PLEKHM3: variants seen among roughly 807,000 people sequenced by gnomAD.
The protein encoded by PLEKHM3 is pleckstrin homology domain containing M3, also known as pleckstrin homology domain-containing family M member 3.
A neutral mutation model predicts 81.8 loss-of-function variants in PLEKHM3; 45 were observed. The observed-to-expected ratio is 0.55, with a 90% CI of 0.43 to 0.71. PLEKHM3 has a LOEUF of 0.71. Among genes scored for constraint, PLEKHM3 ranks in the 30% least tolerant of loss-of-function variants. The pLI, the probability that PLEKHM3 is intolerant of heterozygous loss-of-function variation, is 0.00. For synonymous variants in PLEKHM3, 352 were observed against 356.4 expected (o/e 0.99, Z 0.14); for missense variants, 788 against 924.3 (o/e 0.85, Z 1.91).
chr2:207,868,330 A>G (rs997955927), intron 6 of PLEKHM3, among the ~76,000 whole-genome samples: 6 of 151,640 alleles, frequency 4.0e-5, no homozygotes, highest in African/African-American at 1.2e-4. Context: ...AAACTGGGGT[A>G]TTTTCCAATG....
At position 207,861,268 on chromosome 2, in the gene PLEKHM3, G is replaced by A; in HGVS notation, c.1951-6C>T. The A allele has an allele frequency of 1.2e-6, 2 of 1,613,538 alleles. No homozygotes were observed. The highest frequency in any genetic ancestry group is 1.7e-6 in the Non-Finnish European group (2 of 1,179,802). ...GCCAGCTTTCCCTCTATTACCTGCA[G>A]AAAGAGAAATGGGACAGGGAAGCAC... On this transcript the variant is annotated splice_region_variant and splice_polypyrimidine_tract_variant and intron_variant, in intron 6 of 7. Coordinates refer to ENST00000427836, the MANE Select transcript of PLEKHM3 (RefSeq NM_001080475.3).
chr2:208,016,517 C>T (rs1350305024), intron 1 of PLEKHM3, among the ~76,000 whole-genome samples: 3 of 151,220 alleles, frequency 2.0e-5, no homozygotes, highest in Non-Finnish European at 4.4e-5. Context: ...GTCATGGTGG[C>T]GCATGGCTGT....
At chr2:207,961,652 C>G (rs1351297713) in intron 3 of PLEKHM3, among the ~76,000 whole-genome samples, 1 of 152,156 alleles carries the variant, frequency 6.6e-6, no homozygotes. Context: ...TAGTGGAGAT[C>G]ACAGAGTCAC....
intron 7 of PLEKHM3, among the ~76,000 whole-genome samples, chr2:207,834,434 CTT>C (rs71412444): frequency 1.2e-3 from 165 of 134,204 alleles, no homozygotes; most frequent in Middle Eastern, 8.6e-3. Context: ...CCAGCCTCTT[CTT>C]TTTTTTTTTT....
In PLEKHM3 at chr2:207,865,781, CAAAA is replaced by C. The variant is rs71412445; in HGVS notation, c.1951-4523_1951-4520del. Among the ~76,000 whole-genome samples the C allele has an allele frequency of 4.7e-3, 18 of 3,794 alleles. 1 individual carries two copies. The highest frequency in any genetic ancestry group is 0.012 in the African/African-American group (17 of 1,400). 2.5% of individuals were successfully genotyped at this position (3,794 alleles called of 152,430 possible). A position where few individuals can be genotyped will look rare whatever the true frequency, so the allele number is the denominator to read the frequency against. Reference sequence around the variant, plus strand: ...GGCAACAAGAACAAAAACTCCGACTCAAAAAAAAAAAAAAAAAAAAAGATATATA... The same window carrying C: ...GGCAACAAGAACAAAAACTCCGACTCAAAAAAAAAAAAAAAAAGATATATA... On this transcript the variant is annotated intron_variant, in intron 6 of 7. Coordinates refer to ENST00000427836, the MANE Select transcript of PLEKHM3 (RefSeq NM_001080475.3).
intron 7 of PLEKHM3, among the ~76,000 whole-genome samples, chr2:207,860,167 G>GTGTA (rs2092459600): frequency 1.4e-5 from 2 of 147,112 alleles, no homozygotes; most frequent in Admixed American, 1.3e-4. Flanking sequence ...GTGTGTGTGT[G>GTGTA]TGTGTGTGTG....
At chr2:207,936,271 CT>C (rs1412205711) in intron 4 of PLEKHM3, among the ~76,000 whole-genome samples, 6 of 152,320 alleles carry the variant, frequency 3.9e-5, no homozygotes, top group Middle Eastern at 3.4e-3. Context: ...TGCGCCCAGT[CT>C]ATTTGTGTAT....
At chr2:207,927,777 C>T (rs1262111888) in intron 5 of PLEKHM3, among the ~76,000 whole-genome samples, 1 of 152,076 alleles carries the variant, frequency 6.6e-6, no homozygotes, top group Non-Finnish European at 1.5e-5. Context: ...TTGCAGTGAG[C>T]CAAGATCGTG....
intron 2 of PLEKHM3, among the ~76,000 whole-genome samples, chr2:207,986,336 C>T (rs563261586): frequency 2.0e-5 from 3 of 152,188 alleles, no homozygotes; most frequent in Non-Finnish European, 4.4e-5. Flanking sequence ...TAGACAGGCT[C>T]ACCCGGACTG....
chr2:207,866,261 T>G (rs968570270), intron 6 of PLEKHM3, among the ~76,000 whole-genome samples: 1 of 152,126 alleles, frequency 6.6e-6, no homozygotes, highest in African/African-American at 2.4e-5. Flanking sequence ...CTTCAAGCGA[T>G]TCTCCTGCCT....
At chr2:207,858,657 T>C (rs1019884874) in intron 7 of PLEKHM3, among the ~76,000 whole-genome samples, 13 of 152,062 alleles carry the variant, frequency 8.5e-5, no homozygotes, top group Non-Finnish European at 1.5e-4. Flanking sequence ...ATTTTTATAT[T>C]TTTAGTAGAG....
intron 1 of PLEKHM3, among the ~76,000 whole-genome samples, chr2:208,020,494 C>T (rs1271603670): frequency 2.0e-5 from 3 of 152,146 alleles, no homozygotes; most frequent in Non-Finnish European, 2.9e-5. Context: ...GCAAATTATG[C>T]ATGTTTTTCA....
intron 7 of PLEKHM3, among the ~76,000 whole-genome samples, chr2:207,842,583 G>A (rs2105890399): frequency 7.3e-6 from 1 of 136,188 alleles, no homozygotes; most frequent in Non-Finnish European, 1.5e-5. Context: ...TATTAACATT[G>A]AAGGAGGGAA....
rs1246237365 is a variant in PLEKHM3, at chr2:207,886,067, A to G, written c.1950+22447T>C. Among the ~76,000 whole-genome samples, 3 of 152,216 alleles carry G rather than the reference A, an allele frequency of 2.0e-5. No individual in the cohort carries two copies. In the East Asian group the frequency reaches 5.8e-4, roughly 29 times the overall value. Reference sequence around the variant, plus strand: ...TTCCAATTTTAAATTAGCCAAGTAAAGATGCTAAAAACAAAACAAAAGCTA... The same window carrying G: ...TTCCAATTTTAAATTAGCCAAGTAAGGATGCTAAAAACAAAACAAAAGCTA... On this transcript the variant is annotated intron_variant, in intron 6 of 7. Coordinates refer to ENST00000427836, the MANE Select transcript of PLEKHM3 (RefSeq NM_001080475.3).
chr2:207,852,180 G>A (rs73062876), intron 7 of PLEKHM3, among the ~76,000 whole-genome samples: 6,866 of 152,220 alleles, frequency 0.045, 333 homozygotes, highest in African/African-American at 0.12. Flanking sequence ...GACTACAGGT[G>A]CAGAAGTAGC....
At chr2:207,861,084 A>G (rs773390346) in intron 7 of PLEKHM3, 21 bp downstream of exon 7, 3 of 1,606,942 alleles carry the variant, frequency 1.9e-6, no homozygotes, top group Non-Finnish European at 2.5e-6. Flanking sequence ...GTGTTCTTTT[A>G]TGAAATAAGA....
In PLEKHM3 at chr2:207,923,619, C is replaced by T. The variant is rs146938308; in HGVS notation, c.1886+7307G>A. On this transcript the variant is annotated intron_variant, in intron 5 of 7. Transcript: ENST00000427836. ...CGAAACTCTGTCTCACACACACACACGCTCATAAAAGAAAAGAAAATTATT... is the reference window on the plus strand; with the variant it reads ...CGAAACTCTGTCTCACACACACACATGCTCATAAAAGAAAAGAAAATTATT... Among the ~76,000 whole-genome samples the T allele has an allele frequency of 3.8e-3, 573 of 151,514 alleles. 3 individuals carry two copies. The highest frequency in any genetic ancestry group is 0.014 in the Middle Eastern group (4 of 292).
intron 5 of PLEKHM3, among the ~76,000 whole-genome samples, chr2:207,915,317 A>G (rs1688951614): frequency 6.6e-6 from 1 of 152,228 alleles, no homozygotes; most frequent in African/African-American, 2.4e-5. Context: ...TGCCTATGAA[A>G]TCAAAGGCAG....
intron 1 of PLEKHM3, among the ~76,000 whole-genome samples, chr2:208,006,937 T>C (rs1246108908): frequency 6.6e-6 from 1 of 152,222 alleles, no homozygotes; most frequent in African/African-American, 2.4e-5. Flanking sequence ...GTTTTTTACA[T>C]GCTCGTTAGG....
Sources: allele counts gnomAD v4.1 joint callset (sites outside exome capture counted in the v4.1 genomes callset), GRCh38; gene constraint gnomAD v4.1.1; transcripts MANE v1.5; gene names NCBI Gene and HGNC (gene_info 2026-07-23, HGNC 2026-07-21).